Variants in REV1 observed in about 807,000 individuals in gnomAD.
REV1 encodes the protein REV1 DNA directed polymerase.
A neutral mutation model predicts 137.4 loss-of-function variants in REV1; 42 were observed. That is an observed-to-expected ratio of 0.31 (90% CI 0.24 to 0.40). The LOEUF is 0.40. Ranked by LOEUF, REV1 falls within the 10% of genes least tolerant of loss-of-function variation. The probability of loss-of-function intolerance (pLI) is 1.00; values close to 1 mark genes in which losing one functional copy is unlikely to be tolerated. For missense variants in REV1, 1,282 were observed against 1,490.1 expected, an observed-to-expected ratio of 0.86 and a Z score of 2.30; for synonymous variants, 524 against 519.2, an observed-to-expected ratio of 1.01 and a Z score of -0.12.
chr2:99,424,667 G>A, intron 9 of REV1: 2 of 968,876 alleles, frequency 2.1e-6, no homozygotes, highest in Non-Finnish European at 2.8e-6. Flanking sequence ...CTAATACAAG[G>A]CACAGTTTGG....
At chr2:99,404,322 T>TCCC in intron 18 of REV1, 122 bp downstream of exon 18, 1 of 452,494 alleles carries the variant, frequency 2.2e-6, no homozygotes, top group South Asian at 1.9e-5. Context: ...TCCCCTCCCC[T>TCCC]CCCCTCCCCA....
chr2:99,406,446 AGGGTTCAGATTAGTT>A lies in REV1; in HGVS notation c.2478_2492del (p.Thr827_Pro831del), dbSNP rs1676310818. Reference sequence around the variant, plus strand: ...CTGATGGGCGACTGGGACATGTGGAAGGGTTCAGATTAGTTGGAACCAACTGATTCACGTGAATCC... The same window carrying A: ...CTGATGGGCGACTGGGACATGTGGAAGGAACCAACTGATTCACGTGAATCC... On this transcript the variant is annotated inframe_deletion, in exon 16 of 23. Transcript: ENST00000258428. The A allele has an allele frequency of 1.2e-6, 2 of 1,613,598 alleles. No homozygotes were observed. Among genetic ancestry groups the A allele is most frequent in the African/African-American group, 2.7e-5 (2 of 74,916 alleles).
Position 99,424,236 on chromosome 2 carries a change from T to C in REV1, c.1592A>G (p.Gln531Arg). ...KNGMFFGHAKQLCPNLQAVPY... is the reference protein window; with the variant it reads ...KNGMFFGHAKRLCPNLQAVPY... ...AACAGCTTGAAGATTAGGACATAGT[T>C]GTTTAGCATGCCCAAAAAACATTCC... Residue 531 changes from glutamine to arginine, a missense_variant, in exon 10 of 23, where the codon CAA becomes CGA. By Grantham distance (43) the Gln-to-Arg change is conservative. Transcript: ENST00000258428. 1 of 1,613,996 alleles carries C rather than the reference T, an allele frequency of 6.2e-7. No homozygotes were observed. The highest frequency in any genetic ancestry group is 1.1e-5 in the South Asian group (1 of 91,050).
chr2:99,429,228 GAT>G (rs749390741), intron 9 of REV1, among the ~76,000 whole-genome samples: 3 of 151,596 alleles, frequency 2.0e-5, no homozygotes, highest in African/African-American at 7.3e-5. Context: ...TTATGAGGAA[GAT>G]ATATATATAT....
chr2:99,454,385 T>C (rs1683282923), intron 3 of REV1, among the ~76,000 whole-genome samples: 1 of 151,086 alleles, frequency 6.6e-6, no homozygotes, highest in Non-Finnish European at 1.5e-5. Flanking sequence ...ACCCCGTCAC[T>C]ACTAAAAATA....
intron 12 of REV1, among the ~76,000 whole-genome samples, chr2:99,415,704 G>GT (rs1559304819): frequency 1.3e-5 from 2 of 152,228 alleles, no homozygotes; most frequent in Non-Finnish European, 2.9e-5. Flanking sequence ...CGTAGCTACT[G>GT]TATTAGTGCA....
intron 1 of REV1, among the ~76,000 whole-genome samples, chr2:99,486,721 G>C (rs1268686909): frequency 6.6e-6 from 1 of 152,176 alleles, no homozygotes; most frequent in East Asian, 1.9e-4. Context: ...GACCCTAGCT[G>C]TCTGATTCCA....
At chr2:99,407,623 T>C (rs767141790) in intron 15 of REV1, among the ~76,000 whole-genome samples, 6 of 151,988 alleles carry the variant, frequency 3.9e-5, no homozygotes, top group Non-Finnish European at 7.4e-5. Context: ...CAAAGGCATC[T>C]TGATGTGCCT....
At chr2:99,480,010 G>A (rs542392262) in intron 1 of REV1, among the ~76,000 whole-genome samples, 3 of 152,160 alleles carry the variant, frequency 2.0e-5, no homozygotes, top group East Asian at 3.9e-4. Flanking sequence ...TCAGGAAGAA[G>A]AAAAATTCAT....
rs775907424 is a variant in REV1 at position 99,421,580 on chromosome 2, T to C, written c.1750A>G (p.Lys584Glu). 11 of 1,614,008 alleles carry C rather than the reference T, an allele frequency of 6.8e-6. No homozygotes were observed. The African/African-American group carries it at 1.1e-4, about 16-fold the overall frequency. Residue 584 changes from lysine (K) to glutamate (E), a missense_variant, in exon 11 of 23, where the codon AAA (lysine) becomes GAA (glutamate). Coordinates refer to ENST00000258428, the MANE Select transcript of REV1 (RefSeq NM_016316.4). ...VDITEILAET[K>E]LTPDEFANAV... ...TTTGCAAATTCATCAGGAGTAAGTT[T>C]GGTCTCTGCAAGGATTTCGGTAATG...
chr2:99,434,640 C>A (rs577188990), intron 7 of REV1, among the ~76,000 whole-genome samples, 192 bp from the exon 8 acceptor site: 1 of 152,198 alleles, frequency 6.6e-6, no homozygotes, highest in Admixed American at 6.5e-5. Flanking sequence ...TTTCTTAGCA[C>A]CTCCAGAAAA....
Position 99,400,761 on chromosome 2 carries a change from A to C in REV1, c.*480T>G, listed in dbSNP as rs866670608. On this transcript the variant is annotated 3_prime_UTR_variant, in exon 23 of 23. Transcript: ENST00000258428. ...CATGCTCCTGTGTTCATGCTTGGAG[A>C]CAAGAATAAGATGGTTTAGAAGCTT... The C allele has an allele frequency of 6.6e-6, 1 of 152,668 alleles. No homozygotes were observed. The highest frequency in any genetic ancestry group is 2.1e-4 in the South Asian group (1 of 4,834). The allele number at this position is 152,668 out of a possible 1,614,324, so 9.5% of individuals were successfully genotyped here.
At chr2:99,410,561 G>T in intron 14 of REV1, 134 bp downstream of exon 14, 1 of 762,816 alleles carries the variant, frequency 1.3e-6, no homozygotes, top group Non-Finnish European at 2.0e-6. Context: ...GCTGATGCCT[G>T]CTTCTACAGA....
At chr2:99,457,612 G>A (rs547973827) in intron 3 of REV1, among the ~76,000 whole-genome samples, 1 of 151,802 alleles carries the variant, frequency 6.6e-6, no homozygotes, top group East Asian at 1.9e-4. Flanking sequence ...TTGAGCCAGG[G>A]AGGCAGAGGG....
intron 1 of REV1, among the ~76,000 whole-genome samples, chr2:99,485,651 T>C (rs1459828118): frequency 6.6e-6 from 1 of 152,212 alleles, no homozygotes; most frequent in African/African-American, 2.4e-5. Flanking sequence ...CTTAGCATCT[T>C]CTACAGATTG....
At chr2:99,414,082 G>T (rs1200572340) in intron 12 of REV1, among the ~76,000 whole-genome samples, 1 of 152,298 alleles carries the variant, frequency 6.6e-6, no homozygotes, top group South Asian at 2.1e-4. Flanking sequence ...TTGAGCCCGA[G>T]AGTTTGAGGC....
rs1322536048 is a variant in REV1 at position 99,410,785 on chromosome 2, C to T, written c.2255G>A (p.Arg752His). 8.7e-6 allele frequency: 14 copies of T among 1,612,612 alleles called. No individual in the cohort carries two copies. Among genetic ancestry groups the T allele is most frequent in the African/African-American group, 2.7e-5 (2 of 74,774 alleles). Reference protein sequence around the residue: ...RLEATGMKGKRLTLKIMVRKP... With the variant: ...RLEATGMKGKHLTLKIMVRKP... ...TCGTACCATGATTTTGAGAGTTAGA[C>T]GTTTACCCTTCATGCCAGTGGCTTC... Residue 752 changes from arginine (R) to histidine (H), a missense_variant, in exon 14 of 23, where the codon CGT becomes CAT. Coordinates refer to ENST00000258428, the MANE Select transcript of REV1 (RefSeq NM_016316.4).
intron 1 of REV1, among the ~76,000 whole-genome samples, chr2:99,479,528 A>G (rs1686378290): frequency 6.6e-6 from 1 of 152,166 alleles, no homozygotes; most frequent in Middle Eastern, 3.4e-3. Context: ...GCATATAACT[A>G]TAATATGAGA....
intron 1 of REV1, among the ~76,000 whole-genome samples, chr2:99,465,249 A>G (rs1684667774): frequency 6.6e-6 from 1 of 152,220 alleles, no homozygotes; most frequent in South Asian, 2.1e-4. Flanking sequence ...TGCATTCCTG[A>G]GCACCAATCC....
Sources: allele counts gnomAD v4.1 joint callset (sites outside exome capture counted in the v4.1 genomes callset), GRCh38; gene constraint gnomAD v4.1.1; transcripts MANE v1.5; gene names NCBI Gene and HGNC (gene_info 2026-07-23, HGNC 2026-07-21).